MAP1B: variants seen among roughly 807,000 people sequenced by gnomAD.
MAP1B encodes the protein microtubule associated protein 1B, also known as microtubule-associated protein 1B.
A neutral mutation model predicts 176.1 loss-of-function variants in MAP1B; 12 were observed. The observed-to-expected ratio is 0.07, with a 90% CI of 0.04 to 0.11. MAP1B has a LOEUF of 0.11. Ranked by LOEUF, MAP1B falls within the 10% of genes least tolerant of loss-of-function variation. MAP1B has a pLI of 1.00. For synonymous variants in MAP1B, 1,044 were observed against 1,135.0 expected, an observed-to-expected ratio of 0.92 and a Z score of 1.61; for missense variants, 2,523 against 2,990.5, an observed-to-expected ratio of 0.84 and a Z score of 3.65.
intron 2 of MAP1B, among the ~76,000 whole-genome samples, chr5:72,175,135 G>A (rs576609466): frequency 5.8e-4 from 87 of 150,138 alleles, no homozygotes; most frequent in African/African-American, 2.0e-3. Flanking sequence ...TGTGATCTCG[G>A]CTCACTACAG....
At chr5:72,128,150 C>G (rs1437043542) in intron 2 of MAP1B, among the ~76,000 whole-genome samples, 1 of 152,202 alleles carries the variant, frequency 6.6e-6, no homozygotes, top group Non-Finnish European at 1.5e-5. Flanking sequence ...AGAATTGAAT[C>G]TTCCTTGGAA....
At position 72,198,845 on chromosome 5, in the gene MAP1B, T is replaced by C. The variant is rs1272765497; in HGVS notation, c.5490T>C (p.Tyr1830=). Residue 1830 remains tyrosine (Y), a synonymous_variant, in exon 5 of 7, where the codon TAT becomes TAC. Coordinates refer to ENST00000296755, the MANE Select transcript of MAP1B (RefSeq NM_005909.5). ...TAGATGCAGCATCCGCAGAGCCCTA[T>C]GGCTTCCGTGCCTCAGTGTTATTCG... is the stretch of plus-strand genomic sequence containing the variant. ...PPIDAASAEP[Y]GFRASVLFDT... is the part of the protein sequence containing the mutation. The C allele has an allele frequency of 2.5e-6, 4 of 1,614,090 alleles. No individual in the cohort carries two copies. The Admixed American group carries it at 5.0e-5, about 20-fold the overall frequency.
intron 1 of MAP1B, among the ~76,000 whole-genome samples, chr5:72,112,895 C>A (rs575208014): frequency 6.6e-6 from 1 of 152,174 alleles, no homozygotes; most frequent in South Asian, 2.1e-4. Context: ...TGCTCCCCAA[C>A]AGAGACCAGG....
intron 2 of MAP1B, among the ~76,000 whole-genome samples, chr5:72,169,710 C>CA (rs1295894344): frequency 6.6e-6 from 1 of 152,120 alleles, no homozygotes; most frequent in African/African-American, 2.4e-5. Flanking sequence ...ATGAGAGGTA[C>CA]ATGAAAGTAT....
At chr5:72,168,964 G>A (rs574005928) in intron 2 of MAP1B, among the ~76,000 whole-genome samples, 1 of 152,286 alleles carries the variant, frequency 6.6e-6, no homozygotes, top group South Asian at 2.1e-4. Flanking sequence ...ATAAGCAGAT[G>A]TATTCTTTCA....
At chr5:72,154,505 A>C (rs760032957) in intron 2 of MAP1B, among the ~76,000 whole-genome samples, 12 of 152,240 alleles carry the variant, frequency 7.9e-5, no homozygotes, top group Non-Finnish European at 1.5e-4. Flanking sequence ...GGTGAGAGCC[A>C]GAACAAAGTG....
chr5:72,194,998 C>T lies in MAP1B; in HGVS notation c.1643C>T (p.Ala548Val), dbSNP rs1442649564. 1.2e-6 allele frequency: 2 copies of T among 1,613,906 alleles called. No homozygotes were observed. The highest frequency in any genetic ancestry group is 8.5e-7 in the Non-Finnish European group (1 of 1,179,978). Reference sequence around the variant, plus strand: ...GATAGCCGAGAAAGTCTGAAGCCAGCCGCAAAACCACTTCCTAGCAAATCC... The same window carrying T: ...GATAGCCGAGAAAGTCTGAAGCCAGTCGCAAAACCACTTCCTAGCAAATCC... ...RADSRESLKPAAKPLPSKSVR... is the reference protein window; with the variant it reads ...RADSRESLKPVAKPLPSKSVR... Residue 548 changes from alanine (A) to valine (V), a missense_variant, in exon 5 of 7, where the codon GCC (alanine) becomes GTC (valine). Physicochemically the swap from Ala to Val is moderately conservative, Grantham distance 64. Around this residue, in one of 4 missense-constraint regions of MAP1B, gnomAD observed 1,925 missense variants for 2,126.0 expected, o/e 0.91. Coordinates refer to ENST00000296755, the MANE Select transcript of MAP1B (RefSeq NM_005909.5). The surrounding 1 kb of genome is among the most constrained non-coding windows in gnomAD (Gnocchi z 7.2).
intron 2 of MAP1B, among the ~76,000 whole-genome samples, chr5:72,172,217 G>A (rs1746555769): frequency 6.6e-6 from 1 of 152,166 alleles, no homozygotes; most frequent in Non-Finnish European, 1.5e-5. Context: ...TTGACCTTAA[G>A]AAGTCCCTTC....
At chr5:72,147,655 C>T (rs541529845) in intron 2 of MAP1B, among the ~76,000 whole-genome samples, 14 of 152,336 alleles carry the variant, frequency 9.2e-5, no homozygotes, top group African/African-American at 3.4e-4. Flanking sequence ...TATTCCTGTG[C>T]CCTCCCAGGG....
At chr5:72,200,407 C>A in intron 5 of MAP1B, 40 bp downstream of exon 5, 1 of 1,588,586 alleles carries the variant, frequency 6.3e-7, no homozygotes, top group Non-Finnish European at 8.5e-7. Context: ...ATGTCACAAC[C>A]ATTCTACTTG....
In MAP1B at chr5:72,175,601, T is replaced by C. The variant is rs115851397; in HGVS notation, c.287-8142T>C. Among the ~76,000 whole-genome samples the C allele has an allele frequency of 9.1e-3, 1,378 of 152,262 alleles. 29 individuals are homozygous for C. Among genetic ancestry groups the C allele is most frequent in the African/African-American group, 0.031 (1,306 of 41,542 alleles). On this transcript the variant is annotated intron_variant, in intron 2 of 6. Transcript: ENST00000296755. ...CTTTCACCTTAACCCTTGATATCCT[T>C]GATTCTCATCCCTTTGCCTTGAGAA...
At chr5:72,129,259 G>A (rs955817307) in intron 2 of MAP1B, among the ~76,000 whole-genome samples, 21 of 152,244 alleles carry the variant, frequency 1.4e-4, no homozygotes, top group Non-Finnish European at 4.4e-5. Context: ...AGCATTAGAA[G>A]ATCCAAGTAA....
chr5:72,180,348 T>G (rs531269616), intron 2 of MAP1B, among the ~76,000 whole-genome samples: 1 of 152,316 alleles, frequency 6.6e-6, no homozygotes, highest in African/African-American at 2.4e-5. Flanking sequence ...CTCCTTGGTC[T>G]TAAGCTTTTG....
chr5:72,142,186 C>T (rs370885603), intron 2 of MAP1B, among the ~76,000 whole-genome samples: 12 of 152,330 alleles, frequency 7.9e-5, no homozygotes, highest in African/African-American at 2.9e-4. Context: ...TTCCTACTTC[C>T]CCCAAGGTGG....
chr5:72,113,566 A>C (rs1460193419), intron 1 of MAP1B, among the ~76,000 whole-genome samples: 2 of 152,254 alleles, frequency 1.3e-5, no homozygotes, highest in African/African-American at 4.8e-5. Context: ...ACAATGTAAG[A>C]GCAAGTCTGC....
Position 72,205,081 on chromosome 5 carries a change from C to A in MAP1B, c.7252-3C>A, listed in dbSNP as rs1747417085. 2.5e-6 allele frequency: 4 copies of A among 1,595,502 alleles called. No homozygotes were observed. Among genetic ancestry groups the A allele is most frequent in the Non-Finnish European group, 3.4e-6 (4 of 1,174,562 alleles). ...TAGCTATTTTTTTTTTCTCTCCCTG[C>A]AGGTGACACTGATCCCAACTCATGA... is the stretch of plus-strand genomic sequence containing the variant. On this transcript the variant is annotated splice_region_variant and splice_polypyrimidine_tract_variant and intron_variant, in intron 6 of 6. Transcript: ENST00000296755.
chr5:72,108,943 G>A (rs1745236186), intron 1 of MAP1B, among the ~76,000 whole-genome samples: 1 of 152,232 alleles, frequency 6.6e-6, no homozygotes, highest in Non-Finnish European at 1.5e-5. Flanking sequence ...TGGTGCTGAA[G>A]CGTTTCTCCG....
At chr5:72,120,078 G>A (rs183616396) in intron 2 of MAP1B, among the ~76,000 whole-genome samples, 1 of 152,258 alleles carries the variant, frequency 6.6e-6, no homozygotes, top group East Asian at 1.9e-4. Context: ...TGTAAGAAGT[G>A]CCCCATAATT....
At chr5:72,178,151 C>T (rs542692914) in intron 2 of MAP1B, among the ~76,000 whole-genome samples, 1 of 152,184 alleles carries the variant, frequency 6.6e-6, no homozygotes, top group East Asian at 1.9e-4. Context: ...TACAGGCATG[C>T]ACCACCATGC....
Sources: allele counts gnomAD v4.1 joint callset (sites outside exome capture counted in the v4.1 genomes callset), GRCh38; gene constraint gnomAD v4.1.1; regional missense constraint gnomAD v4.1.1; non-coding constraint Gnocchi (gnomAD v3.1); transcripts MANE v1.5; gene names NCBI Gene and HGNC (gene_info 2026-07-23, HGNC 2026-07-21).